Variants in PPIG observed in about 807,000 individuals in gnomAD.
PPIG encodes peptidyl-prolyl cis-trans isomerase G.
Under a neutral mutation model 87.9 loss-of-function variants are expected in PPIG, and 26 were observed. That is an observed-to-expected ratio of 0.30 (90% CI 0.22 to 0.41). The LOEUF (loss-of-function observed/expected upper bound fraction) is 0.41, where lower values mean the gene tolerates loss of function less well. Ranked by LOEUF, PPIG falls within the 10% of genes least tolerant of loss-of-function variation. The pLI, the probability that PPIG is intolerant of heterozygous loss-of-function variation, is 1.00. For synonymous variants in PPIG, 308 were observed against 276.5 expected, an observed-to-expected ratio of 1.11 and a Z score of -1.13; for missense variants, 722 against 879.4, an observed-to-expected ratio of 0.82 and a Z score of 2.26.
intron 1 of PPIG, among the ~76,000 whole-genome samples, chr2:169,587,627 A>G (rs1419509025): frequency 6.6e-6 from 1 of 152,196 alleles, no homozygotes; most frequent in Non-Finnish European, 1.5e-5. Flanking sequence ...ATAAATGGTC[A>G]CCATAAGAAC....
intron 2 of PPIG, 28 bp downstream of exon 2, chr2:169,603,722 A>G (rs946839466): frequency 1.5e-5 from 4 of 269,442 alleles, no homozygotes; most frequent in African/African-American, 6.6e-5. Context: ...TTCACTAATC[A>G]TACAGAGTAA....
intron 1 of PPIG, among the ~76,000 whole-genome samples, chr2:169,597,885 T>A (rs2105479462): frequency 8.1e-6 from 1 of 123,666 alleles, no homozygotes; most frequent in East Asian, 2.7e-4. Context: ...TTTGTTTGTT[T>A]GTTTGTTTGA....
rs1397946745 is a variant in PPIG at position 169,598,867 on chromosome 2, T to TTATATAAATACAGGTAAATA, written c.-69-4771_-69-4752dup. 5.1e-4 allele frequency among the ~76,000 whole-genome samples: 75 copies of TTATATAAATACAGGTAAATA among 148,422 alleles called. No homozygotes were observed. In the East Asian group the frequency reaches 5.5e-3, roughly 11 times the overall value. ...TGTATATAAATACAGGTAAATATAT[T>TTATATAAATACAGGTAAATA]TATATAAATACAGGTAAATATATTT... is the stretch of plus-strand genomic sequence containing the variant. On this transcript the variant is annotated intron_variant, in intron 1 of 13. Coordinates refer to ENST00000260970, the MANE Select transcript of PPIG (RefSeq NM_004792.3).
intron 1 of PPIG, among the ~76,000 whole-genome samples, chr2:169,590,751 G>A (rs1684843260): frequency 6.6e-6 from 1 of 152,166 alleles, no homozygotes; most frequent in African/African-American, 2.4e-5. Context: ...AGGACACACG[G>A]GAATCAGTGA....
intron 9 of PPIG, among the ~76,000 whole-genome samples, chr2:169,615,037 T>G (rs986011387): frequency 1.9e-4 from 26 of 139,316 alleles, no homozygotes; most frequent in Non-Finnish European, 2.2e-4. Context: ...TGGTTTTGGG[T>G]TTTTTTTTTG....
In PPIG at chr2:169,636,860, A is replaced by G. The variant is rs772333490; in HGVS notation, c.1602A>G (p.Lys534=). Residue 534 remains lysine (K), a synonymous_variant, in exon 14 of 14, where the codon AAA becomes AAG. Coordinates refer to ENST00000260970, the MANE Select transcript of PPIG (RefSeq NM_004792.3). ...ESKSNEHDHS[K]SKEKDRRAQS... ...AGAGTAATGAGCATGATCACAGTAA[A>G]AGTAAGGAAAAGGATAGACGCGCAC... 1.2e-6 allele frequency: 2 copies of G among 1,613,672 alleles called. No homozygotes were observed. The highest frequency in any genetic ancestry group is 3.3e-5 in the Admixed American group (2 of 59,922).
chr2:169,636,622 G>A lies in PPIG; in HGVS notation c.1364G>A (p.Arg455Lys), dbSNP rs772019308. The change falls in exon 14 of 14, where the codon AGG becomes AAG. Residue 455 changes from arginine to lysine, a missense_variant. Coordinates refer to ENST00000260970, the MANE Select transcript of PPIG (RefSeq NM_004792.3). ...AAGTATAAAAACAAAGTGAAGAAAA[G>A]GGCCAAATCTAAAAGTAGGAGTAAG... ...DDKYKNKVKK[R>K]AKSKSRSKSK... The A allele has an allele frequency of 1.3e-6, 2 of 1,593,836 alleles. No homozygotes were observed. The highest frequency in any genetic ancestry group is 1.7e-6 in the Non-Finnish European group (2 of 1,175,168).
intron 1 of PPIG, among the ~76,000 whole-genome samples, chr2:169,596,761 G>A (rs776952166): frequency 6.6e-5 from 10 of 151,960 alleles, no homozygotes; most frequent in African/African-American, 2.2e-4. Context: ...GTGTTGTGGC[G>A]CAATCTCAGC....
intron 1 of PPIG, among the ~76,000 whole-genome samples, chr2:169,590,846 A>T (rs1197644051): frequency 6.6e-6 from 1 of 151,656 alleles, no homozygotes; most frequent in African/African-American, 2.4e-5. Flanking sequence ...TCCACAAAAA[A>T]ATTTTTAAAA....
chr2:169,621,432 A>C (rs1015996371), intron 9 of PPIG, among the ~76,000 whole-genome samples: 16 of 152,194 alleles, frequency 1.1e-4, no homozygotes, highest in African/African-American at 3.6e-4. Flanking sequence ...TTCTTGATGT[A>C]CATGAGACTG....
At chr2:169,620,676 TTC>T (rs754617786) in intron 9 of PPIG, among the ~76,000 whole-genome samples, 1 of 152,172 alleles carries the variant, frequency 6.6e-6, no homozygotes, top group Non-Finnish European at 1.5e-5. Context: ...TTTGAGAAAC[TTC>T]TTTTATTTAG....
chr2:169,613,381 A>G (rs1257859863), intron 7 of PPIG, among the ~76,000 whole-genome samples: 3 of 152,158 alleles, frequency 2.0e-5, no homozygotes, highest in African/African-American at 7.2e-5. Context: ...AGCATAAATT[A>G]TGCTCCTTTT....
At chr2:169,632,747 A>AAATAATAATAAT (rs60752395) in intron 11 of PPIG, among the ~76,000 whole-genome samples, 37 of 149,552 alleles carry the variant, frequency 2.5e-4, no homozygotes, top group African/African-American at 7.6e-4. Context: ...TCCGTCTCAA[A>AAATAATAATAAT]AATAATAATA....
In PPIG at chr2:169,639,712, G is replaced by A. The variant is rs1368934980; in HGVS notation, c.*2189G>A. 1 of 152,080 alleles carries A rather than the reference G, an allele frequency of 6.6e-6. No individual in the cohort carries two copies. Among genetic ancestry groups the A allele is most frequent in the Non-Finnish European group, 1.5e-5 (1 of 67,956 alleles). 9.4% of individuals were successfully genotyped at this position (152,080 alleles called of 1,614,324 possible). ...CTAGATTTTATTTTTAGAATATAAAGAACATTTTTAAAATGATTAAACAGC... is the reference window on the plus strand; with the variant it reads ...CTAGATTTTATTTTTAGAATATAAAAAACATTTTTAAAATGATTAAACAGC... On this transcript the variant is annotated 3_prime_UTR_variant, in exon 14 of 14. Coordinates refer to ENST00000260970, the MANE Select transcript of PPIG (RefSeq NM_004792.3).
At position 169,624,879 on chromosome 2, in the gene PPIG, C is replaced by T. The variant is rs537701504; in HGVS notation, c.548-5895C>T. ...TGCTGGGATTACAGGCATGAGCCACCGCGCCCAGCCGGAAGTAGGTTTTTT... is the reference window on the plus strand; with the variant it reads ...TGCTGGGATTACAGGCATGAGCCACTGCGCCCAGCCGGAAGTAGGTTTTTT... On this transcript the variant is annotated intron_variant, in intron 9 of 13. Coordinates refer to ENST00000260970, the MANE Select transcript of PPIG (RefSeq NM_004792.3). 2.6e-5 allele frequency among the ~76,000 whole-genome samples: 4 copies of T among 152,262 alleles called. No homozygotes were observed. In the South Asian group the frequency reaches 6.2e-4, roughly 24 times the overall value.
At position 169,603,157 on chromosome 2, in the gene PPIG, G is replaced by A. The variant is rs576939364; in HGVS notation, c.-69-485G>A. Among the ~76,000 whole-genome samples, 97 of 152,110 alleles carry A rather than the reference G, an allele frequency of 6.4e-4. 1 individual carries two copies. In the South Asian group the frequency reaches 0.01, roughly 16 times the overall value. On this transcript the variant is annotated intron_variant, in intron 1 of 13. Coordinates refer to ENST00000260970, the MANE Select transcript of PPIG (RefSeq NM_004792.3). ...AATTTTTATTGAAATATAACATAGC[G>A]TACATAGCATATGAAACTGTCATTT...
intron 9 of PPIG, among the ~76,000 whole-genome samples, chr2:169,627,411 T>C (rs1449873786): frequency 1.3e-5 from 2 of 152,352 alleles, no homozygotes; most frequent in East Asian, 3.9e-4. Context: ...CATTTTATCA[T>C]GTTATCTTGC....
At chr2:169,621,777 T>G (rs1685759821) in intron 9 of PPIG, among the ~76,000 whole-genome samples, 2 of 151,764 alleles carry the variant, frequency 1.3e-5, no homozygotes. Context: ...GACACTTGTG[T>G]TAGGATCTGT....
At chr2:169,585,173 C>T (rs1363326267) in intron 1 of PPIG, among the ~76,000 whole-genome samples, 1 of 151,900 alleles carries the variant, frequency 6.6e-6, no homozygotes, top group East Asian at 1.9e-4. Flanking sequence ...CTGCGCAGGC[C>T]TTTTAGGAGG....
Sources: gnomAD v4.1 joint callset for allele counts (sites outside exome capture counted in the v4.1 genomes callset) on GRCh38, gnomAD v4.1.1 for gene constraint, MANE v1.5 for transcripts, NCBI Gene and HGNC (gene_info 2026-07-23, HGNC 2026-07-21) for gene names.